The following IGFL2 variants were observed in gnomAD, a reference collection of about 807,000 sequenced individuals.
IGFL2 encodes the protein insulin growth factor-like family member 2.
A neutral mutation model predicts 13.9 loss-of-function variants in IGFL2; 7 were observed. The observed-to-expected ratio is 0.51, with a 90% CI of 0.29 to 0.95. The LOEUF (loss-of-function observed/expected upper bound fraction) is 0.95, where lower values mean the gene tolerates loss of function less well. Among genes scored for constraint, IGFL2 ranks in the 40% least tolerant of loss-of-function variants. The pLI, the probability that IGFL2 is intolerant of heterozygous loss-of-function variation, is 0.08. For synonymous variants in IGFL2, 55 were observed against 55.8 expected (o/e 0.99, Z 0.07); for missense variants, 138 against 147.8 (o/e 0.93, Z 0.34).
At chr19:46,114,525 A>C in the IGFL2 span, among the ~76,000 whole-genome samples, 1 of 152,036 alleles carries the variant, frequency 6.6e-6, no homozygotes, top group African/African-American at 2.4e-5. Flanking sequence ...CTGTGTCCCC[A>C]CCCAAATCTT....
At chr19:46,211,323 C>T in the IGFL2 span, among the ~76,000 whole-genome samples, 2 of 152,244 alleles carry the variant, frequency 1.3e-5, no homozygotes, top group African/African-American at 4.8e-5. Context: ...AAATGACTCA[C>T]ACAGACTCCT....
chr19:46,105,422 G>A, the IGFL2 span, among the ~76,000 whole-genome samples: 1 of 152,172 alleles, frequency 6.6e-6, no homozygotes, highest in East Asian at 1.9e-4. Context: ...ATTAGGCTTG[G>A]TGGAACTGCC....
the IGFL2 span, among the ~76,000 whole-genome samples, chr19:46,183,454 G>T: frequency 6.6e-6 from 1 of 150,942 alleles, no homozygotes. Context: ...CCCAGGCTGG[G>T]CCTCAGCCTA....
At chr19:46,129,724 A>G in the IGFL2 span, among the ~76,000 whole-genome samples, 1 of 151,866 alleles carries the variant, frequency 6.6e-6, no homozygotes. Context: ...GGTCTGAGAG[A>G]GTGGTTGTTA....
chr19:46,092,333 A>C, the IGFL2 span, among the ~76,000 whole-genome samples: 1 of 152,050 alleles, frequency 6.6e-6, no homozygotes, highest in Non-Finnish European at 1.5e-5. Context: ...CTAATTAAAA[A>C]AAATTTTTTT....
intron 2 of IGFL2, 71 bp from the exon 3 acceptor site, chr19:46,160,543 G>A (rs1273849251): frequency 1.2e-6 from 2 of 1,612,130 alleles, no homozygotes; most frequent in Admixed American, 1.7e-5. Context: ...TTCACAGAGG[G>A]CTCCTGATTG....
chr19:46,168,366 T>G, the IGFL2 span, among the ~76,000 whole-genome samples: 1 of 152,232 alleles, frequency 6.6e-6, no homozygotes, highest in Non-Finnish European at 1.5e-5. Flanking sequence ...CATTTCACTC[T>G]TATGTTTTTG....
the IGFL2 span, among the ~76,000 whole-genome samples, chr19:46,123,167 A>T: frequency 6.6e-5 from 10 of 150,816 alleles, 1 homozygote; most frequent in Non-Finnish European, 1.5e-4. Flanking sequence ...GCTGAAGAAA[A>T]TAACCGATTT....
chr19:46,207,024 A>G, the IGFL2 span: 4 of 152,198 alleles, frequency 2.6e-5, no homozygotes, highest in African/African-American at 9.7e-5. Context: ...CTGAATCACA[A>G]TCTGATCACT....
At chr19:46,109,549 C>T in the IGFL2 span, among the ~76,000 whole-genome samples, 1 of 152,108 alleles carries the variant, frequency 6.6e-6, no homozygotes, top group African/African-American at 2.4e-5. Context: ...ATCTCCTGAC[C>T]TCGTGATCCA....
intron 1 of IGFL2, among the ~76,000 whole-genome samples, chr19:46,156,919 C>T (rs1430147601): frequency 6.6e-6 from 1 of 152,016 alleles, no homozygotes; most frequent in African/African-American, 2.4e-5. Flanking sequence ...AAAGAGAAGA[C>T]ACAAATTGTC....
the IGFL2 span, among the ~76,000 whole-genome samples, chr19:46,089,427 A>C: frequency 6.6e-6 from 1 of 152,186 alleles, no homozygotes. Flanking sequence ...TATAATTCTA[A>C]ATTTGACTGT....
chr19:46,121,744 C>T, the IGFL2 span, among the ~76,000 whole-genome samples: 3 of 150,552 alleles, frequency 2.0e-5, no homozygotes, highest in South Asian at 2.1e-4. Context: ...TTTTAGAAAA[C>T]GTAGAAAAAT....
chr19:46,122,496 T>A, the IGFL2 span, among the ~76,000 whole-genome samples: 1 of 150,988 alleles, frequency 6.6e-6, no homozygotes, highest in African/African-American at 2.5e-5. Flanking sequence ...CTAAAAACAT[T>A]CCTTTTTGTT....
chr19:46,097,824 A>G, the IGFL2 span, among the ~76,000 whole-genome samples: 1 of 152,206 alleles, frequency 6.6e-6, no homozygotes, highest in East Asian at 1.9e-4. Context: ...GTTTTGAGTG[A>G]GTTTTTAAAC....
chr19:46,117,738 C>G, the IGFL2 span, among the ~76,000 whole-genome samples: 2 of 152,278 alleles, frequency 1.3e-5, no homozygotes, highest in Non-Finnish European at 2.9e-5. Flanking sequence ...CTTAGCCTCC[C>G]AAAGTGGTGG....
At chr19:46,167,767 AT>A in the IGFL2 span, among the ~76,000 whole-genome samples, 1 of 152,162 alleles carries the variant, frequency 6.6e-6, no homozygotes, top group Admixed American at 6.5e-5. Context: ...TGGTGTCCTT[AT>A]AAGAAGAGCC....
At chr19:46,150,001 G>A (rs1299455105) in intron 1 of IGFL2, among the ~76,000 whole-genome samples, 1 of 152,154 alleles carries the variant, frequency 6.6e-6, no homozygotes, top group Non-Finnish European at 1.5e-5. Flanking sequence ...AGCAGTGTAT[G>A]AGGGCTCACA....
At chr19:46,116,249 C>G in the IGFL2 span, among the ~76,000 whole-genome samples, 1 of 152,118 alleles carries the variant, frequency 6.6e-6, no homozygotes, top group South Asian at 2.1e-4. Context: ...AAATAATTTT[C>G]TCTGTGAGTG....
Sources: gnomAD v4.1 joint callset for allele counts (sites outside exome capture counted in the v4.1 genomes callset) on GRCh38, gnomAD v4.1.1 for gene constraint, MANE v1.5 for transcripts, NCBI Gene and HGNC (gene_info 2026-07-23, HGNC 2026-07-21) for gene names.